Variants in TIAM1 observed in about 807,000 individuals in gnomAD.
TIAM1 encodes the protein rho guanine nucleotide exchange factor TIAM1.
TIAM1 carries 65 observed loss-of-function variants against 163.5 expected under a neutral mutation model. That is an observed-to-expected ratio of 0.40 (90% confidence interval 0.33 to 0.49). TIAM1 has a LOEUF of 0.49. Among genes scored for constraint, TIAM1 ranks in the 20% least tolerant of loss-of-function variants. TIAM1 has a pLI of 0.77. For missense variants in TIAM1, 1,789 were observed against 2,044.7 expected, an observed-to-expected ratio of 0.87 and a Z score of 2.41; for synonymous variants, 833 against 810.1, an observed-to-expected ratio of 1.03 and a Z score of -0.48.
chr21:31,213,866 C>CA (rs35524539), intron 9 of TIAM1, among the ~76,000 whole-genome samples: 12,037 of 54,724 alleles, frequency 0.22, 1,093 homozygotes, highest in East Asian at 0.51. Context: ...CTCATCTCTA[C>CA]AAAAAAAAAA....
intron 12 of TIAM1, 95 bp from the exon 13 acceptor site, chr21:31,195,400 A>G: frequency 3.4e-6 from 3 of 870,424 alleles, no homozygotes; most frequent in South Asian, 1.7e-5. Context: ...CACAATTGAT[A>G]CTTACGTGAA....
At chr21:31,129,406 T>C (rs1008972939) in intron 25 of TIAM1, among the ~76,000 whole-genome samples, 1 of 152,234 alleles carries the variant, frequency 6.6e-6, no homozygotes, top group South Asian at 2.1e-4. Flanking sequence ...AGGTTGGGCA[T>C]GGCAGCTCAC....
At chr21:31,186,396 C>A (rs8132120) in intron 14 of TIAM1, among the ~76,000 whole-genome samples, 12,238 of 152,136 alleles carry the variant, frequency 0.08, 668 homozygotes, top group Admixed American at 0.19. Flanking sequence ...ATGCTCTGCT[C>A]CAGGAAGAAC....
At chr21:31,265,519 A>G (rs2072708091) in intron 4 of TIAM1, among the ~76,000 whole-genome samples, 1 of 151,334 alleles carries the variant, frequency 6.6e-6, no homozygotes, top group Non-Finnish European at 1.5e-5. Flanking sequence ...GAGCCTGCCA[A>G]CCACCGAGAG....
At chr21:31,137,323 C>T (rs1156679304) in intron 22 of TIAM1, among the ~76,000 whole-genome samples, 1 of 152,204 alleles carries the variant, frequency 6.6e-6, no homozygotes, top group Non-Finnish European at 1.5e-5. Flanking sequence ...ATAATCATCA[C>T]TGTCATTATT....
At chr21:31,377,920 T>C (rs1226876850) in intron 2 of TIAM1, among the ~76,000 whole-genome samples, 2 of 151,618 alleles carry the variant, frequency 1.3e-5, no homozygotes, top group African/African-American at 4.8e-5. Flanking sequence ...GCAGATCACT[T>C]GAAGATGGGA....
chr21:31,208,587 A>G (rs2086569696), intron 11 of TIAM1, among the ~76,000 whole-genome samples: 1 of 152,236 alleles, frequency 6.6e-6, no homozygotes, highest in South Asian at 2.1e-4. Flanking sequence ...TTCAAAGCAC[A>G]CAGAGAGGTG....
At chr21:31,322,316 G>A (rs1389983975) in intron 2 of TIAM1, among the ~76,000 whole-genome samples, 1 of 152,088 alleles carries the variant, frequency 6.6e-6, no homozygotes, top group African/African-American at 2.4e-5. Context: ...CTCTCACTCT[G>A]TGTGTTGCAT....
intron 1 of TIAM1, among the ~76,000 whole-genome samples, chr21:31,488,237 T>C (rs1342578264): frequency 6.6e-6 from 1 of 152,180 alleles, no homozygotes; most frequent in Non-Finnish European, 1.5e-5. Context: ...CAGGGAGCTT[T>C]ACAATTGGTC....
chr21:31,499,284 G>A (rs544464401), intron 1 of TIAM1, among the ~76,000 whole-genome samples: 10 of 152,014 alleles, frequency 6.6e-5, no homozygotes, highest in Non-Finnish European at 1.5e-4. Flanking sequence ...ATACAGCCAG[G>A]CACAGTGGCT....
intron 23 of TIAM1, among the ~76,000 whole-genome samples, chr21:31,131,729 T>G (rs1335652978): frequency 6.6e-6 from 1 of 152,200 alleles, no homozygotes; most frequent in Non-Finnish European, 1.5e-5. Flanking sequence ...GGTCCAAATG[T>G]TTGTGTTTCC....
chr21:31,464,413 G>A (rs551243898), intron 1 of TIAM1, among the ~76,000 whole-genome samples: 23 of 152,204 alleles, frequency 1.5e-4, no homozygotes, highest in African/African-American at 5.1e-4. Context: ...ATTTTCTTAA[G>A]ATGGTTAAAA....
intron 13 of TIAM1, among the ~76,000 whole-genome samples, chr21:31,194,177 G>T (rs2085726359): frequency 6.6e-6 from 1 of 151,600 alleles, no homozygotes; most frequent in Admixed American, 6.6e-5. Context: ...CCCACTTCTT[G>T]TGTGTCCGCA....
intron 1 of TIAM1, among the ~76,000 whole-genome samples, chr21:31,470,938 G>A (rs1171814690): frequency 6.6e-6 from 1 of 152,172 alleles, no homozygotes; most frequent in African/African-American, 2.4e-5. Context: ...CCACCCCCGA[G>A]GGGGCAGCTG....
chr21:31,376,108 T>C (rs1443678816), intron 2 of TIAM1, among the ~76,000 whole-genome samples: 1 of 152,180 alleles, frequency 6.6e-6, no homozygotes, highest in Non-Finnish European at 1.5e-5. Flanking sequence ...AGGGCAAGCA[T>C]TTCGTAAACG....
intron 4 of TIAM1, among the ~76,000 whole-genome samples, chr21:31,257,655 G>A (rs945845974): frequency 6.6e-6 from 1 of 152,128 alleles, no homozygotes; most frequent in African/African-American, 2.4e-5. Context: ...CCAGGTAAAT[G>A]TTCCAGGAGC....
At chr21:31,237,904 T>C (rs772862673) in intron 6 of TIAM1, among the ~76,000 whole-genome samples, 6 of 152,196 alleles carry the variant, frequency 3.9e-5, no homozygotes, top group Non-Finnish European at 7.3e-5. Context: ...ACTTTGTAGG[T>C]GGTAGGTACT....
chr21:31,251,865 C>T lies in TIAM1; in HGVS notation c.1288G>A (p.Ala430Thr). ...CCGGCCTTGCGCACCGTGCCCTGTGCGGCGGTCAGCAGGATGTCCGACTGG... is the reference window on the plus strand; with the variant it reads ...CCGGCCTTGCGCACCGTGCCCTGTGTGGCGGTCAGCAGGATGTCCGACTGG... Reference protein sequence around the residue: ...PGQSDILLTAAQGTVRKAGAL... With the variant: ...PGQSDILLTATQGTVRKAGAL... The change falls in exon 5 of 28, where the codon GCA becomes ACA. Residue 430 changes from alanine (A) to threonine (T), a missense_variant. Transcript: ENST00000541036. The T allele has an allele frequency of 6.2e-7, 1 of 1,613,854 alleles. No individual in the cohort carries two copies. Among genetic ancestry groups the T allele is most frequent in the Non-Finnish European group, 8.5e-7 (1 of 1,179,928 alleles).
intron 2 of TIAM1, among the ~76,000 whole-genome samples, chr21:31,363,305 C>T (rs1444782070): frequency 6.6e-6 from 1 of 152,174 alleles, no homozygotes; most frequent in Non-Finnish European, 1.5e-5. Flanking sequence ...CCCCTAACCC[C>T]AGCCTTACCC....
Sources: allele counts gnomAD v4.1 joint callset (sites outside exome capture counted in the v4.1 genomes callset), GRCh38; gene constraint gnomAD v4.1.1; transcripts MANE v1.5; gene names NCBI Gene and HGNC (gene_info 2026-07-23, HGNC 2026-07-21).